SLC28A1: variants seen among roughly 807,000 people sequenced by gnomAD.
SLC28A1 encodes solute carrier family 28 member 1.
SLC28A1 carries 64 observed loss-of-function variants against 74.8 expected under a neutral mutation model. The observed-to-expected ratio is 0.86, with a 90% CI of 0.70 to 1.05. The LOEUF is 1.05. Ranked by LOEUF, SLC28A1 falls within the 50% of genes least tolerant of loss-of-function variation. The pLI is 0.00. For synonymous variants in SLC28A1, 359 were observed against 335.0 expected (o/e 1.07, Z -0.78); for missense variants, 828 against 822.8 (o/e 1.01, Z -0.08).
chr15:84,945,674 T>A lies in SLC28A1; in HGVS notation c.*474T>A. 1 of 238,190 alleles carries A rather than the reference T, an allele frequency of 4.2e-6. No individual in the cohort carries two copies. Among genetic ancestry groups the A allele is most frequent in the Non-Finnish European group, 8.3e-6 (1 of 120,204 alleles). The allele number at this position is 238,190 out of a possible 1,614,324, so 14.8% of individuals were successfully genotyped here. On this transcript the variant is annotated 3_prime_UTR_variant, in exon 19 of 19. Coordinates refer to ENST00000394573, the MANE Select transcript of SLC28A1 (RefSeq NM_004213.5). Reference sequence around the variant, plus strand: ...TGCTTTCAGAGAAACCCTTCCCGCCTTTCCTCAGAGTGCTTCCCAAACTGA... The same window carrying A: ...TGCTTTCAGAGAAACCCTTCCCGCCATTCCTCAGAGTGCTTCCCAAACTGA...
Position 84,928,952 on chromosome 15 carries a change from T to C in SLC28A1, c.1084-4193T>C, listed in dbSNP as rs1413201214. Among the ~76,000 whole-genome samples the C allele has an allele frequency of 2.6e-5, 4 of 152,178 alleles. No homozygotes were observed. The South Asian group carries it at 8.3e-4, about 32-fold the overall frequency. ...AGCTCCCAGATTCTTAAAACCACTTTGTTGCTCAATCTCTGGCTCCCTTCT... is the reference window on the plus strand; with the variant it reads ...AGCTCCCAGATTCTTAAAACCACTTCGTTGCTCAATCTCTGGCTCCCTTCT... On this transcript the variant is annotated intron_variant, in intron 12 of 18. Transcript: ENST00000394573.
intron 15 of SLC28A1, among the ~76,000 whole-genome samples, chr15:84,943,244 G>A (rs746594322): frequency 6.6e-5 from 10 of 152,096 alleles, no homozygotes; most frequent in Admixed American, 2.6e-4. Context: ...ATAAGAGAGG[G>A]GGGCTATGTT....
chr15:84,964,575 G>A, the SLC28A1 span, among the ~76,000 whole-genome samples: 6 of 152,204 alleles, frequency 3.9e-5, no homozygotes, highest in Non-Finnish European at 7.3e-5. Flanking sequence ...AGCAACTCCA[G>A]GGGTAAGTGG....
the SLC28A1 span, among the ~76,000 whole-genome samples, chr15:84,961,857 T>C: frequency 6.6e-6 from 1 of 152,180 alleles, no homozygotes; most frequent in Non-Finnish European, 1.5e-5. Context: ...ACAGAGATAC[T>C]GCCCTTCATC....
chr15:84,907,133 G>GTC (rs1967370719), intron 8 of SLC28A1, among the ~76,000 whole-genome samples: 1 of 152,180 alleles, frequency 6.6e-6, no homozygotes, highest in African/African-American at 2.4e-5. Flanking sequence ...TTGGCTATCT[G>GTC]TCTCATTCTC....
At chr15:84,899,859 T>A (rs1164402758) in intron 6 of SLC28A1, among the ~76,000 whole-genome samples, 1 of 149,820 alleles carries the variant, frequency 6.7e-6, no homozygotes, top group African/African-American at 2.5e-5. Context: ...CGCCACTGAC[T>A]GCTGCCTGGG....
intron 3 of SLC28A1, 89 bp downstream of exon 3, chr15:84,887,945 C>A: frequency 1.1e-6 from 1 of 917,966 alleles, no homozygotes; most frequent in Non-Finnish European, 1.8e-6. Context: ...TTGCTCACCA[C>A]CTTCCCTCAT....
At chr15:84,922,979 T>C (rs1441252590) in intron 11 of SLC28A1, among the ~76,000 whole-genome samples, 1 of 152,200 alleles carries the variant, frequency 6.6e-6, no homozygotes, top group Admixed American at 6.5e-5. Context: ...CTCTGTCACC[T>C]AGGCTGGAGC....
chr15:84,923,900 C>T, intron 11 of SLC28A1, 85 bp from the exon 12 acceptor site: 1 of 1,592,102 alleles, frequency 6.3e-7, no homozygotes, highest in South Asian at 1.1e-5. Context: ...CCGTGGGACT[C>T]CCAGCTGCTC....
chr15:84,891,256 G>A (rs1397730920), intron 5 of SLC28A1, among the ~76,000 whole-genome samples: 1 of 152,174 alleles, frequency 6.6e-6, no homozygotes, highest in African/African-American at 2.4e-5. Flanking sequence ...TGTGGAAGGT[G>A]GGCGGGGGCA....
chr15:84,905,187 T>G (rs1966904970), intron 7 of SLC28A1, among the ~76,000 whole-genome samples: 1 of 152,092 alleles, frequency 6.6e-6, no homozygotes, highest in Non-Finnish European at 1.5e-5. Context: ...TGGGAGGAGC[T>G]GGGCCCAGAG....
the SLC28A1 span, among the ~76,000 whole-genome samples, chr15:84,954,209 C>A: frequency 6.6e-6 from 1 of 152,146 alleles, no homozygotes; most frequent in African/African-American, 2.4e-5. Flanking sequence ...ATAGGGTGAT[C>A]AGTGTGGCCT....
At chr15:84,973,124 T>C in the SLC28A1 span, among the ~76,000 whole-genome samples, 8 of 152,230 alleles carry the variant, frequency 5.3e-5, no homozygotes, top group Non-Finnish European at 1.2e-4. Context: ...CCCCTTGTTT[T>C]CTGTTCTTAG....
chr15:84,939,335 G>C (rs1402880097), intron 15 of SLC28A1, among the ~76,000 whole-genome samples: 1 of 151,792 alleles, frequency 6.6e-6, no homozygotes, highest in African/African-American at 2.4e-5. Flanking sequence ...AAAAGACAGA[G>C]AGAAGGAAGC....
chr15:84,947,475 A>G (rs372496817), downstream of SLC28A1, among the ~76,000 whole-genome samples: 7 of 152,232 alleles, frequency 4.6e-5, no homozygotes, highest in African/African-American at 1.7e-4. Flanking sequence ...ACTGCAGGCC[A>G]CTTGAATATA....
intron 16 of SLC28A1, 142 bp downstream of exon 16, chr15:84,943,668 C>A: frequency 1.4e-6 from 1 of 710,202 alleles, no homozygotes; most frequent in African/African-American, 1.7e-5. Flanking sequence ...GTGGCTCATG[C>A]CTGTAATCCC....
chr15:84,951,581 A>G, the SLC28A1 span, among the ~76,000 whole-genome samples: 1 of 152,218 alleles, frequency 6.6e-6, no homozygotes, highest in East Asian at 1.9e-4. Flanking sequence ...TGAGCCTGCT[A>G]GTAGACAGGA....
At chr15:84,974,282 C>T in the SLC28A1 span, among the ~76,000 whole-genome samples, 140 of 152,290 alleles carry the variant, frequency 9.2e-4, no homozygotes, top group African/African-American at 3.2e-3. Context: ...TCTCAAGTAT[C>T]GGTGATGTTT....
At chr15:84,906,593 C>G (rs1476052442) in intron 8 of SLC28A1, among the ~76,000 whole-genome samples, 28 of 135,422 alleles carry the variant, frequency 2.1e-4, no homozygotes, top group Admixed American at 5.3e-4. Flanking sequence ...TTCCTTCCTT[C>G]CTTCCTTCCT....
Sources: allele counts gnomAD v4.1 joint callset (sites outside exome capture counted in the v4.1 genomes callset), GRCh38; gene constraint gnomAD v4.1.1; transcripts MANE v1.5; gene names NCBI Gene and HGNC (gene_info 2026-07-23, HGNC 2026-07-21).